Variants in JAKMIP3 observed in about 807,000 individuals in gnomAD.
JAKMIP3 encodes Janus kinase and microtubule interacting protein 3.
Under a neutral mutation model 118.5 loss-of-function variants are expected in JAKMIP3, and 58 were observed. The observed-to-expected ratio is 0.49, with a 90% CI of 0.40 to 0.61. The LOEUF is 0.61. Among genes scored for constraint, JAKMIP3 ranks in the 20% least tolerant of loss-of-function variants. The pLI is 0.00. For synonymous variants in JAKMIP3, 486 were observed against 451.2 expected (o/e 1.08, Z -0.98); for missense variants, 950 against 1,109.0 (o/e 0.86, Z 2.04).
Position 132,154,046 on chromosome 10 carries a change from A to C in JAKMIP3, c.2220+56A>C, listed in dbSNP as rs78541298. 24,574 of 1,549,212 alleles carry C rather than the reference A, an allele frequency of 0.016. 2,779 individuals carry two copies. The African/African-American group carries it at 0.27, about 17-fold the overall frequency. On this transcript the variant is annotated intron_variant, in intron 19 of 23. Coordinates refer to ENST00000684848, the MANE Select transcript of JAKMIP3 (RefSeq NM_001323087.2). ...GGAGGGGCACTGGGCTGAAACGGCCACGTGGCTCAGGTGCCCAGCAGTGCC... is the reference window on the plus strand; with the variant it reads ...GGAGGGGCACTGGGCTGAAACGGCCCCGTGGCTCAGGTGCCCAGCAGTGCC...
rs1423457354 is a variant in JAKMIP3, at chr10:132,180,752, C to CGCGT, written c.*1104-1604_*1104-1603insCGTG. ...GTGCGTGTGTGCGTGCGTGCGCGCGCGTGTGTGCGTGTGTGTGCGTGTGTG... is the reference window on the plus strand; with the variant it reads ...GTGCGTGTGTGCGTGCGTGCGCGCGCGCGTGTGTGTGCGTGTGTGTGCGTGTGTG... On this transcript the variant is annotated intron_variant, in intron 23 of 23. Coordinates refer to ENST00000684848, the MANE Select transcript of JAKMIP3 (RefSeq NM_001323087.2). Among the ~76,000 whole-genome samples the CGCGT allele has an allele frequency of 3.9e-3, 53 of 13,682 alleles. 17 individuals carry two copies. Among genetic ancestry groups the CGCGT allele is most frequent in the African/African-American group, 8.0e-3 (30 of 3,766 alleles). The allele number at this position is 13,682 out of a possible 152,430, so 9.0% of individuals were successfully genotyped here.
chr10:132,110,312 T>C (rs1047670321), intron 2 of JAKMIP3, among the ~76,000 whole-genome samples: 5 of 152,256 alleles, frequency 3.3e-5, no homozygotes, highest in Non-Finnish European at 7.3e-5. Flanking sequence ...GCTCCCGGGC[T>C]GCTGGTGCCT....
chr10:132,055,211 G>A (rs1313961003), intron 1 of JAKMIP3, among the ~76,000 whole-genome samples: 1 of 152,158 alleles, frequency 6.6e-6, no homozygotes, highest in African/African-American at 2.4e-5. Flanking sequence ...CTTTCTCTGG[G>A]AGGCATAGAA....
At chr10:132,138,480 C>T (rs1302444688) in intron 9 of JAKMIP3, among the ~76,000 whole-genome samples, 4 of 151,782 alleles carry the variant, frequency 2.6e-5, no homozygotes, top group South Asian at 4.2e-4. Flanking sequence ...GTGTGGAGAG[C>T]GCTGGTGTGT....
chr10:132,180,660 TGTGTGCGTGTGTGTGCGCGC>T lies in JAKMIP3; in HGVS notation c.*1104-1695_*1104-1676del, dbSNP rs1565020055. Among the ~76,000 whole-genome samples, 23 of 33,568 alleles carry T rather than the reference TGTGTGCGTGTGTGTGCGCGC, an allele frequency of 6.9e-4. 9 individuals are homozygous for T. Among genetic ancestry groups the T allele is most frequent in the South Asian group, 2.3e-3 (2 of 880 alleles). 22.0% of individuals were successfully genotyped at this position (33,568 alleles called of 152,430 possible). A position where few individuals can be genotyped will look rare whatever the true frequency, so the allele number is the denominator to read the frequency against. ...GTGCGTGTGTGCGTGTGCGTGTGCG[TGTGTGCGTGTGTGTGCGCGC>T]GCGTGTGTGTGCGTGCGTGTGTGTG... is the stretch of plus-strand genomic sequence containing the variant. On this transcript the variant is annotated intron_variant, in intron 23 of 23. Coordinates refer to ENST00000684848, the MANE Select transcript of JAKMIP3 (RefSeq NM_001323087.2).
intron 23 of JAKMIP3, among the ~76,000 whole-genome samples, chr10:132,175,636 G>A (rs1439866692): frequency 2.0e-5 from 3 of 152,196 alleles, no homozygotes. Flanking sequence ...TACAGCTTCT[G>A]TGGAGCAGGC....
chr10:132,125,277 C>T (rs2049305939), intron 3 of JAKMIP3, among the ~76,000 whole-genome samples: 1 of 152,178 alleles, frequency 6.6e-6, no homozygotes, highest in East Asian at 1.9e-4. Flanking sequence ...GTTGGATATC[C>T]CTGCTTGCTG....
At chr10:132,109,207 G>A (rs540792492) in intron 2 of JAKMIP3, among the ~76,000 whole-genome samples, 2 of 151,840 alleles carry the variant, frequency 1.3e-5, no homozygotes, top group African/African-American at 4.8e-5. Context: ...TCTCAGCTAC[G>A]TGGGAGGATG....
intron 1 of JAKMIP3, among the ~76,000 whole-genome samples, chr10:132,051,751 A>G (rs1041938623): frequency 1.1e-4 from 16 of 152,146 alleles, no homozygotes; most frequent in African/African-American, 3.9e-4. Context: ...GACCAGAGGC[A>G]TCGGCAATCA....
chr10:132,043,961 C>T (rs1043285533), intron 1 of JAKMIP3, among the ~76,000 whole-genome samples: 2 of 152,146 alleles, frequency 1.3e-5, no homozygotes, highest in South Asian at 2.1e-4. Context: ...TCTTATCCTG[C>T]TGGGCCTGCG....
At chr10:132,141,348 G>T (rs2053475328) in intron 10 of JAKMIP3, among the ~76,000 whole-genome samples, 1 of 152,184 alleles carries the variant, frequency 6.6e-6, no homozygotes, top group African/African-American at 2.4e-5. Context: ...TTCCAGCCCC[G>T]GGGGTCCACC....
At position 132,109,083 on chromosome 10, in the gene JAKMIP3, TATAC is replaced by T. The variant is rs1461612617; in HGVS notation, c.135+4142_135+4145del. 5.1e-5 allele frequency among the ~76,000 whole-genome samples: 7 copies of T among 137,908 alleles called. 1 individual carries two copies. Among genetic ancestry groups the T allele is most frequent in the African/African-American group, 2.1e-4 (7 of 33,440 alleles). 90.5% of individuals were successfully genotyped at this position (137,908 alleles called of 152,430 possible). A position where few individuals can be genotyped will look rare whatever the true frequency, so the allele number is the denominator to read the frequency against. On this transcript the variant is annotated intron_variant, in intron 2 of 23. Transcript: ENST00000684848. ...GCACATATACACACATACACATATA[TATAC>T]ACACACATATATATATACACACACA...
At position 132,184,135 on chromosome 10, in the gene JAKMIP3, T is replaced by G; in HGVS notation, c.*2882T>G. On this transcript the variant is annotated 3_prime_UTR_variant, in exon 24 of 24. Transcript: ENST00000684848. ...ACAGAACAACATAGATACTTTAGTT[T>G]GTCTAAAGTAAAAATCCACATAAAT... is the stretch of plus-strand genomic sequence containing the variant. 6.6e-6 allele frequency: 1 copy of G among 152,240 alleles called. No homozygotes were observed. The highest frequency in any genetic ancestry group is 1.9e-4 in the East Asian group (1 of 5,202). The allele number at this position is 152,240 out of a possible 1,614,324, so 9.4% of individuals were successfully genotyped here. A position where few individuals can be genotyped will look rare whatever the true frequency, so the allele number is the denominator to read the frequency against.
chr10:132,142,436 G>A (rs999444825), intron 11 of JAKMIP3, among the ~76,000 whole-genome samples: 2 of 152,164 alleles, frequency 1.3e-5, no homozygotes, highest in African/African-American at 4.8e-5. Context: ...AACTTGTGGA[G>A]GTCATTCATC....
chr10:132,142,138 C>T, intron 11 of JAKMIP3, 90 bp downstream of exon 11: 3 of 1,390,644 alleles, frequency 2.2e-6, no homozygotes, highest in Non-Finnish European at 2.9e-6. Flanking sequence ...CCTCACTAGC[C>T]CTCCTGGGCC....
Position 132,138,170 on chromosome 10 carries a change from C to A in JAKMIP3, c.1336C>A (p.Leu446Ile), listed in dbSNP as rs771631537. The change falls in exon 9 of 24, where the codon CTT (leucine) becomes ATT (isoleucine). Residue 446 changes from leucine to isoleucine, a missense_variant. Transcript: ENST00000684848. ...GAAGCAAAGAAAGAAAATGGCAAAA[C>A]TTCCCAAGGTAAGGAACAGCACACC... is the stretch of plus-strand genomic sequence containing the variant. ...FRKQRKKMAK[L>I]PKPVVVETFF... 3 of 1,610,736 alleles carry A rather than the reference C, an allele frequency of 1.9e-6. No homozygotes were observed. The Admixed American group carries it at 5.0e-5, about 27-fold the overall frequency.
chr10:132,038,477 A>G (rs1402117512), intron 1 of JAKMIP3, among the ~76,000 whole-genome samples: 2 of 152,166 alleles, frequency 1.3e-5, no homozygotes, highest in African/African-American at 4.8e-5. Context: ...AAAAAAGACG[A>G]CACAAAAGAA....
At position 132,180,756 on chromosome 10, in the gene JAKMIP3, T is replaced by C. The variant is rs190166152; in HGVS notation, c.*1104-1601T>C. ...GTGTGTGCGTGCGTGCGCGCGCGTG[T>C]GTGCGTGTGTGTGCGTGTGTGTGTG... On this transcript the variant is annotated intron_variant, in intron 23 of 23. Transcript: ENST00000684848. 9.0e-4 allele frequency among the ~76,000 whole-genome samples: 28 copies of C among 31,076 alleles called. 7 individuals are homozygous for C. Among genetic ancestry groups the C allele is most frequent in the South Asian group, 3.5e-3 (3 of 862 alleles). The allele number at this position is 31,076 out of a possible 152,430, so 20.4% of individuals were successfully genotyped here.
intron 23 of JAKMIP3, among the ~76,000 whole-genome samples, chr10:132,173,685 T>G: frequency 6.6e-6 from 1 of 151,992 alleles, no homozygotes; most frequent in Non-Finnish European, 1.5e-5. Context: ...ATGCTTGTGG[T>G]GGTGTGTGGT....
Sources: gnomAD v4.1 joint callset for allele counts (sites outside exome capture counted in the v4.1 genomes callset) on GRCh38, gnomAD v4.1.1 for gene constraint, MANE v1.5 for transcripts, NCBI Gene and HGNC (gene_info 2026-07-23, HGNC 2026-07-21) for gene names.